The following ABCC3 variants were observed in gnomAD, a reference collection of about 807,000 sequenced individuals.
ABCC3 encodes the protein ATP-binding cassette sub-family C member 3.
A neutral mutation model predicts 165.3 loss-of-function variants in ABCC3; 121 were observed. The ratio of observed to expected loss-of-function variants is 0.73; its 90% CI spans 0.63 to 0.85. ABCC3 has a LOEUF of 0.85. Among genes scored for constraint, ABCC3 ranks in the 40% least tolerant of loss-of-function variants. The pLI, the probability that ABCC3 is intolerant of heterozygous loss-of-function variation, is 0.00. For missense variants in ABCC3, 1,869 were observed against 1,964.1 expected (o/e 0.95, Z 0.92); for synonymous variants, 733 against 810.1 (o/e 0.90, Z 1.62).
chr17:50,668,596 C>A, intron 14 of ABCC3, 79 bp downstream of exon 14: 1 of 1,158,244 alleles, frequency 8.6e-7, no homozygotes, highest in Non-Finnish European at 1.3e-6. Flanking sequence ...TTCCTTTGTT[C>A]TCTCCTGACC....
intron 1 of ABCC3, among the ~76,000 whole-genome samples, chr17:50,646,727 G>A (rs1967008517): frequency 6.6e-6 from 1 of 152,214 alleles, no homozygotes; most frequent in South Asian, 2.1e-4. Flanking sequence ...AATTGCTCAT[G>A]AAGAGATGAG....
In ABCC3 at chr17:50,664,092, C is replaced by T. The variant is rs201203647; in HGVS notation, c.1319C>T (p.Ala440Val). The change falls in exon 10 of 31, where the codon GCG becomes GTG. Residue 440 changes from alanine (A) to valine (V), a missense_variant. By Grantham distance (64) the Ala-to-Val change is moderately conservative. Coordinates refer to ENST00000285238, the MANE Select transcript of ABCC3 (RefSeq NM_003786.4). ...TCAGCACCCCTGCAGATCATCCTGG[C>T]GATCTACTTCCTCTGGCAGGTGACT... The part of the protein sequence containing the change: ...LWSAPLQIIL[A>V]IYFLWQNLGP... 1.7e-5 allele frequency: 28 copies of T among 1,614,184 alleles called. No homozygotes were observed. The Admixed American group carries it at 2.5e-4, about 14-fold the overall frequency.
At chr17:50,643,349 G>C (rs1464774175) in intron 1 of ABCC3, among the ~76,000 whole-genome samples, 1 of 152,238 alleles carries the variant, frequency 6.6e-6, no homozygotes, top group Non-Finnish European at 1.5e-5. Flanking sequence ...AGAGTATGTG[G>C]GTCCTTGGCT....
At chr17:50,690,497 G>A (rs1055821187) in intron 30 of ABCC3, among the ~76,000 whole-genome samples, 8 of 152,124 alleles carry the variant, frequency 5.3e-5, no homozygotes, top group Non-Finnish European at 1.2e-4. Flanking sequence ...CCCTCCTGCC[G>A]TACCCTGGTG....
chr17:50,673,413 G>A (rs188814552), intron 18 of ABCC3, 56 bp from the exon 19 acceptor site: 38 of 1,584,918 alleles, frequency 2.4e-5, no homozygotes, highest in Admixed American at 6.8e-5. Context: ...CTCCGTGCCT[G>A]TGCCAGGGGT....
chr17:50,679,881 C>T lies in ABCC3; in HGVS notation c.3789C>T (p.Tyr1263=). Residue 1263 remains tyrosine (Y), a synonymous_variant, in exon 26 of 31, where the codon TAC becomes TAT. Transcript: ENST00000285238. Reference sequence around the variant, plus strand: ...TGGCTGTGGAGAGGGTCAAGGAGTACTCCAAGACAGAGACAGAGGTGGGTA... The same window carrying T: ...TGGCTGTGGAGAGGGTCAAGGAGTATTCCAAGACAGAGACAGAGGTGGGTA... ...NIVAVERVKE[Y]SKTETEAPWV... is the part of the protein sequence containing the mutation. 1 of 1,613,954 alleles carries T rather than the reference C, an allele frequency of 6.2e-7. No homozygotes were observed. The highest frequency in any genetic ancestry group is 1.1e-5 in the South Asian group (1 of 91,078).
At chr17:50,655,761 G>A (rs1282233664) in intron 1 of ABCC3, 71 bp from the exon 2 acceptor site, 1 of 1,434,484 alleles carries the variant, frequency 7.0e-7, no homozygotes, top group East Asian at 2.3e-5. Context: ...CTCCAGCTAA[G>A]CCATCTTCCT....
At chr17:50,675,519 G>A in intron 20 of ABCC3, 43 bp downstream of exon 20, 1 of 1,594,286 alleles carries the variant, frequency 6.3e-7, no homozygotes, top group Non-Finnish European at 8.6e-7. Flanking sequence ...GGCTGTATCA[G>A]GCCTCCCCAG....
intron 10 of ABCC3, 27 bp downstream of exon 10, chr17:50,664,138 T>C: frequency 6.2e-7 from 1 of 1,612,196 alleles, no homozygotes; most frequent in Middle Eastern, 1.6e-4. Flanking sequence ...GACCTCTGCC[T>C]CCTTCCTCTG....
intron 30 of ABCC3, among the ~76,000 whole-genome samples, chr17:50,688,790 C>T (rs1334659327): frequency 6.6e-6 from 1 of 151,680 alleles, no homozygotes; most frequent in Non-Finnish European, 1.5e-5. Flanking sequence ...CCTGTAATCT[C>T]AGCTACTCGG....
intron 26 of ABCC3, among the ~76,000 whole-genome samples, chr17:50,681,702 C>T (rs767367035): frequency 1.3e-5 from 2 of 152,228 alleles, no homozygotes; most frequent in Admixed American, 6.5e-5. Context: ...CCTCGCTCCA[C>T]GGAGACAGCT....
At position 50,673,461 on chromosome 17, in the gene ABCC3, CT is replaced by C; in HGVS notation, c.2410-7del. ...GGTAGGGGTGAGAGCCTGCTGCCTT[CT>C]CCCCAGACGCGAGTGCTGGTGACGC... On this transcript the variant is annotated splice_region_variant and splice_polypyrimidine_tract_variant and intron_variant, in intron 18 of 30. Transcript: ENST00000285238. The C allele has an allele frequency of 1.2e-6, 2 of 1,612,666 alleles. No homozygotes were observed. The highest frequency in any genetic ancestry group is 1.7e-6 in the Non-Finnish European group (2 of 1,179,006).
chr17:50,665,392 C>G (rs2146617403), intron 11 of ABCC3, 147 bp downstream of exon 11: 1 of 663,638 alleles, frequency 1.5e-6, no homozygotes, highest in East Asian at 2.8e-5. Context: ...ATAGCTCACT[C>G]TTCCCTCACA....
intron 10 of ABCC3, 72 bp from the exon 11 acceptor site, chr17:50,665,081 G>A: frequency 7.4e-7 from 1 of 1,350,168 alleles, no homozygotes; most frequent in Non-Finnish European, 1.1e-6. Context: ...GCCTCTGTTT[G>A]CCTGTTGGGT....
chr17:50,670,708 C>T (rs1312681411), intron 17 of ABCC3, among the ~76,000 whole-genome samples: 1 of 152,138 alleles, frequency 6.6e-6, no homozygotes, highest in African/African-American at 2.4e-5. Context: ...CACTGAGAAT[C>T]AGAGAACTCA....
chr17:50,638,285 T>C (rs2054197251), intron 1 of ABCC3, among the ~76,000 whole-genome samples: 1 of 152,064 alleles, frequency 6.6e-6, no homozygotes, highest in Admixed American at 6.6e-5. Context: ...CCTGGAGGTA[T>C]TTACCCCCCG....
Position 50,691,374 on chromosome 17 carries a change from T to C in ABCC3, c.*174T>C. On this transcript the variant is annotated 3_prime_UTR_variant, in exon 31 of 31. Coordinates refer to ENST00000285238, the MANE Select transcript of ABCC3 (RefSeq NM_003786.4). Reference sequence around the variant, plus strand: ...CTGAATGCTTTAGATGAGGAAATGATCCCCAAGTGGTGAATGACACGCCTA... The same window carrying C: ...CTGAATGCTTTAGATGAGGAAATGACCCCCAAGTGGTGAATGACACGCCTA... 1 of 572,202 alleles carries C rather than the reference T, an allele frequency of 1.7e-6. No homozygotes were observed. Among genetic ancestry groups the C allele is most frequent in the Non-Finnish European group, 3.2e-6 (1 of 313,754 alleles). The allele number at this position is 572,202 out of a possible 1,614,324, so 35.4% of individuals were successfully genotyped here. A position where few individuals can be genotyped will look rare whatever the true frequency, so the allele number is the denominator to read the frequency against.
chr17:50,687,726 A>C lies in ABCC3; in HGVS notation c.4471A>C (p.Thr1491Pro). 1 of 1,611,346 alleles carries C rather than the reference A, an allele frequency of 6.2e-7. No individual in the cohort carries two copies. The highest frequency in any genetic ancestry group is 1.1e-5 in the South Asian group (1 of 91,046). The stretch of plus-strand genomic sequence containing the variant: ...CCGGCTTAACACTATCATGGACTAC[A>C]CCAGGTGGGACACGGAAACCTGAGC... Reference protein sequence around the residue: ...AHRLNTIMDYTRVLVLDKGVV... With the variant: ...AHRLNTIMDYPRVLVLDKGVV... Residue 1491 changes from threonine to proline, a missense_variant, in exon 30 of 31, where the codon ACC becomes CCC. Transcript: ENST00000285238.
chr17:50,664,169 G>A (rs1967468454), intron 10 of ABCC3, 58 bp downstream of exon 10: 2 of 1,599,816 alleles, frequency 1.3e-6, no homozygotes, highest in African/African-American at 1.3e-5. Context: ...GAAGTGGCAA[G>A]AGAGGATTAT....
Sources: allele counts gnomAD v4.1 joint callset (sites outside exome capture counted in the v4.1 genomes callset), GRCh38; gene constraint gnomAD v4.1.1; transcripts MANE v1.5; gene names NCBI Gene and HGNC (gene_info 2026-07-23, HGNC 2026-07-21).